The following GNB1 variants were observed in gnomAD, a reference collection of about 807,000 sequenced individuals.
GNB1 encodes guanine nucleotide-binding protein G(I)/G(S)/G(T) subunit beta-1.
A neutral mutation model predicts 42.9 loss-of-function variants in GNB1; 2 were observed. The observed-to-expected ratio is 0.05, with a 90% CI of 0.02 to 0.15. The LOEUF (loss-of-function observed/expected upper bound fraction) is 0.15, where lower values mean the gene tolerates loss of function less well. Among genes scored for constraint, GNB1 ranks in the 10% least tolerant of loss-of-function variants. GNB1 has a pLI of 1.00. For synonymous variants in GNB1, 183 were observed against 174.7 expected (o/e 1.05, Z -0.38); for missense variants, 193 against 462.2 (o/e 0.42, Z 5.34).
rs1463925894 is a variant in GNB1 at position 1,878,822 on chromosome 1, CTCT to C, written c.-96+11995_-96+11997del. 1.5e-4 allele frequency among the ~76,000 whole-genome samples: 23 copies of C among 152,316 alleles called. 1 individual carries two copies. Among genetic ancestry groups the C allele is most frequent in the Admixed American group, 1.5e-3 (23 of 15,282 alleles). On this transcript the variant is annotated intron_variant, in intron 1 of 11. Transcript: ENST00000378609. Reference sequence around the variant, plus strand: ...CAGAGCCTCCCCTAGCCCCACACTTCTCTCTCCGACTACTTTCCTACAAGACTC... The same window carrying C: ...CAGAGCCTCCCCTAGCCCCACACTTCCTCCGACTACTTTCCTACAAGACTC...
chr1:1,819,152 T>C (rs1057302303), intron 3 of GNB1, among the ~76,000 whole-genome samples: 11 of 151,712 alleles, frequency 7.3e-5, no homozygotes, highest in African/African-American at 2.4e-4. Context: ...GTACGTAACA[T>C]GAAGGAAAAT....
intron 2 of GNB1, among the ~76,000 whole-genome samples, chr1:1,831,180 T>C (rs965491675): frequency 5.3e-5 from 8 of 151,770 alleles, no homozygotes; most frequent in African/African-American, 1.9e-4. Flanking sequence ...AAAAGTTACT[T>C]GATGCAATTC....
rs79516120 is a variant in GNB1, at chr1:1,789,231, G to A, written c.738C>T (p.Asp246=). The A allele has an allele frequency of 1.3e-3, 2,170 of 1,612,500 alleles. 4 individuals are homozygous for A. Among genetic ancestry groups the A allele is most frequent in the Non-Finnish European group, 1.7e-3 (2,027 of 1,178,508 alleles). ...GGTCAAACAGCCTGCAGGTGGCGTC[G>A]TCTGAGCCAGTGGCAAATGCATTGC... is the stretch of plus-strand genomic sequence containing the variant. ...PNGNAFATGS[D]DATCRLFDLR... is the part of the protein sequence containing the mutation. Residue 246 remains aspartate (D), a synonymous_variant, in exon 10 of 12, where the codon GAC becomes GAT. Coordinates refer to ENST00000378609, the MANE Select transcript of GNB1 (RefSeq NM_002074.5).
At chr1:1,857,676 A>AC (rs1648381864) in intron 1 of GNB1, among the ~76,000 whole-genome samples, 1 of 152,056 alleles carries the variant, frequency 6.6e-6, no homozygotes, top group South Asian at 2.1e-4. Context: ...TTATAGCAGT[A>AC]CCCCCATATC....
At chr1:1,808,227 C>T (rs1646728073) in intron 5 of GNB1, among the ~76,000 whole-genome samples, 1 of 152,048 alleles carries the variant, frequency 6.6e-6, no homozygotes, top group African/African-American at 2.4e-5. Context: ...TGGTCTCGAA[C>T]TCCCGACCCT....
chr1:1,823,049 T>C (rs969377552), intron 3 of GNB1, among the ~76,000 whole-genome samples: 1 of 151,814 alleles, frequency 6.6e-6, no homozygotes, highest in Non-Finnish European at 1.5e-5. Context: ...GAGACCATCC[T>C]GGCTAACACG....
At chr1:1,884,081 T>A (rs1431273541) in intron 1 of GNB1, among the ~76,000 whole-genome samples, 1 of 150,860 alleles carries the variant, frequency 6.6e-6, no homozygotes, top group Non-Finnish European at 1.5e-5. Flanking sequence ...TTCTCTTGCC[T>A]CTGCCTCCCG....
intron 4 of GNB1, among the ~76,000 whole-genome samples, chr1:1,816,802 C>A (rs1042028293): frequency 1.3e-5 from 2 of 151,902 alleles, no homozygotes; most frequent in African/African-American, 2.4e-5. Flanking sequence ...GTGTGTGCCA[C>A]CATGCCTGGC....
chr1:1,889,526 G>A (rs1390662528), intron 1 of GNB1, among the ~76,000 whole-genome samples: 1 of 152,068 alleles, frequency 6.6e-6, no homozygotes, highest in African/African-American at 2.4e-5. Flanking sequence ...CTTCCATGAA[G>A]ACAGGCTGGG....
At chr1:1,813,982 C>G (rs763631912) in intron 5 of GNB1, among the ~76,000 whole-genome samples, 3 of 152,164 alleles carry the variant, frequency 2.0e-5, no homozygotes, top group Admixed American at 1.3e-4. Context: ...TTTTGAAACA[C>G]ACGTTATTAT....
At chr1:1,869,061 C>A (rs1649103787) in intron 1 of GNB1, among the ~76,000 whole-genome samples, 1 of 150,962 alleles carries the variant, frequency 6.6e-6, no homozygotes, top group South Asian at 2.1e-4. Flanking sequence ...TGGCGGGCAC[C>A]TGTAGTCCCA....
At chr1:1,832,517 C>A (rs975830994) in intron 2 of GNB1, among the ~76,000 whole-genome samples, 1 of 152,206 alleles carries the variant, frequency 6.6e-6, no homozygotes, top group Non-Finnish European at 1.5e-5. Context: ...TAAAAGCAAG[C>A]AGGTGAAGGG....
At chr1:1,874,155 A>C (rs963676485) in intron 1 of GNB1, among the ~76,000 whole-genome samples, 7 of 152,142 alleles carry the variant, frequency 4.6e-5, no homozygotes, top group Non-Finnish European at 1.0e-4. Context: ...CCACAAAAGA[A>C]AGACTAGCAA....
chr1:1,868,261 T>C (rs4648591), intron 1 of GNB1, among the ~76,000 whole-genome samples: 151,394 of 152,236 alleles, frequency 0.99, 75,283 homozygotes, highest in East Asian at 1. Flanking sequence ...CTGCAACCTC[T>C]GCCTCCCGGG....
At chr1:1,881,090 C>T (rs1335779314) in intron 1 of GNB1, among the ~76,000 whole-genome samples, 1 of 152,148 alleles carries the variant, frequency 6.6e-6, no homozygotes, top group East Asian at 1.9e-4. Context: ...GCCGTACCCT[C>T]GATGCAAAAC....
chr1:1,810,014 G>A (rs1415966398), intron 5 of GNB1, among the ~76,000 whole-genome samples: 1 of 151,988 alleles, frequency 6.6e-6, no homozygotes, highest in African/African-American at 2.4e-5. Context: ...AAGAGGATTG[G>A]TTAAGTCCAG....
At chr1:1,796,142 T>A (rs997226065) in intron 7 of GNB1, among the ~76,000 whole-genome samples, 8 of 152,194 alleles carry the variant, frequency 5.3e-5, no homozygotes, top group African/African-American at 1.7e-4. Context: ...AAGATATGTA[T>A]TATGTTAGAT....
chr1:1,845,090 T>C (rs1647554505), intron 1 of GNB1, among the ~76,000 whole-genome samples: 1 of 152,166 alleles, frequency 6.6e-6, no homozygotes, highest in South Asian at 2.1e-4. Context: ...TAGAAATGCC[T>C]TCTTTCAAAC....
intron 1 of GNB1, among the ~76,000 whole-genome samples, chr1:1,888,649 C>G (rs1476207412): frequency 6.6e-6 from 1 of 152,094 alleles, no homozygotes; most frequent in African/African-American, 2.4e-5. Context: ...ACCAGCTTGG[C>G]CAACATGGTG....
Sources: allele counts gnomAD v4.1 joint callset (sites outside exome capture counted in the v4.1 genomes callset), GRCh38; gene constraint gnomAD v4.1.1; transcripts MANE v1.5; gene names NCBI Gene and HGNC (gene_info 2026-07-23, HGNC 2026-07-21).